The following NFATC3 variants were observed in gnomAD, a reference collection of about 807,000 sequenced individuals.
NFATC3 encodes nuclear factor of activated T-cells, cytoplasmic 3.
In NFATC3, 46 loss-of-function variants were observed where a neutral mutation model predicts 98.6. The ratio of observed to expected loss-of-function variants is 0.47; its 90% CI spans 0.37 to 0.60. The LOEUF is 0.60. Ranked by LOEUF, NFATC3 falls within the 20% of genes least tolerant of loss-of-function variation. NFATC3 has a pLI of 0.00. For missense variants in NFATC3, 1,256 were observed against 1,295.5 expected (o/e 0.97, Z 0.47); for synonymous variants, 512 against 472.2 (o/e 1.08, Z -1.09).
chr16:68,122,179 C>A lies in NFATC3; in HGVS notation c.296C>A (p.Pro99Gln). ...GAGATTCCTGAATCTAAATATAGCC[C>A]ATTAGGTGGTCCCAAACCCTTTGAG... is the stretch of plus-strand genomic sequence containing the variant. ...TCEIPESKYSPLGGPKPFECP... is the reference protein window; with the variant it reads ...TCEIPESKYSQLGGPKPFECP... The change falls in exon 2 of 10, where the codon CCA becomes CAA. Residue 99 changes from proline to glutamine, a missense_variant. By Grantham distance (76) the Pro-to-Gln change is moderately conservative. This residue lies in a region of NFATC3 where 464 missense variants were observed against 465.7 expected (regional missense o/e 1.00). Coordinates refer to ENST00000346183, the MANE Select transcript of NFATC3 (RefSeq NM_173165.3). 6.2e-7 allele frequency: 1 copy of A among 1,614,086 alleles called. No homozygotes were observed. Among genetic ancestry groups the A allele is most frequent in the East Asian group, 2.2e-5 (1 of 44,886 alleles).
chr16:68,157,991 T>C lies in NFATC3; in HGVS notation c.1524T>C (p.Thr508=). Residue 508 remains threonine (T), a synonymous_variant, in exon 4 of 10, where the codon ACT becomes ACC. Coordinates refer to ENST00000346183, the MANE Select transcript of NFATC3 (RefSeq NM_173165.3). The part of the protein sequence containing the change: ...VHRITGKTVA[T]ASQEIIIAST... ...GAATCACTGGGAAGACAGTCGCTACTGCAAGCCAAGAGATAATAATTGCCA... is the reference window on the plus strand; with the variant it reads ...GAATCACTGGGAAGACAGTCGCTACCGCAAGCCAAGAGATAATAATTGCCA... 1.2e-6 allele frequency: 2 copies of C among 1,614,066 alleles called. No homozygotes were observed. Among genetic ancestry groups the C allele is most frequent in the Non-Finnish European group, 8.5e-7 (1 of 1,179,972 alleles).
intron 9 of NFATC3, among the ~76,000 whole-genome samples, chr16:68,220,259 C>CA (rs1343615741): frequency 1.3e-5 from 2 of 152,196 alleles, no homozygotes; most frequent in Non-Finnish European, 2.9e-5. Context: ...TGCGGTGACT[C>CA]ACGCCTGTAA....
intron 1 of NFATC3, among the ~76,000 whole-genome samples, chr16:68,092,264 T>C (rs1024462509): frequency 2.0e-5 from 3 of 151,496 alleles, no homozygotes; most frequent in African/African-American, 7.3e-5. Flanking sequence ...GAGACTAGCC[T>C]GGCCAACATG....
intron 1 of NFATC3, 30 bp from the exon 2 acceptor site, chr16:68,121,957 G>GTTTT: frequency 2.3e-6 from 3 of 1,310,310 alleles, no homozygotes; most frequent in South Asian, 3.0e-5. Flanking sequence ...GTTTTGTTGG[G>GTTTT]TTTTTTTTTT....
In NFATC3 at chr16:68,122,951, G is replaced by A. The variant is rs756905714; in HGVS notation, c.1068G>A (p.Glu356=). The change falls in exon 2 of 10, where the codon GAG becomes GAA. Residue 356 remains glutamate, a synonymous_variant. Coordinates refer to ENST00000346183, the MANE Select transcript of NFATC3 (RefSeq NM_173165.3). ...CTGCCATACTACCAGGAAAATTAGA[G>A]CTGTGTTCAGATGACCAAGGGAGTT... ...DQAAILPGKL[E]LCSDDQGSLS... 7 of 1,614,194 alleles carry A rather than the reference G, an allele frequency of 4.3e-6. No individual in the cohort carries two copies. Among genetic ancestry groups the A allele is most frequent in the Middle Eastern group, 1.6e-4 (1 of 6,062 alleles).
chr16:68,181,531 G>T lies in NFATC3; in HGVS notation c.1971+1G>T. 6.2e-7 allele frequency: 1 copy of T among 1,601,080 alleles called. No homozygotes were observed. The highest frequency in any genetic ancestry group is 8.6e-7 in the Non-Finnish European group (1 of 1,168,580). On this transcript the variant is annotated splice_donor_variant, in intron 7 of 9. Coordinates refer to ENST00000346183, the MANE Select transcript of NFATC3 (RefSeq NM_173165.3). LOFTEE classifies it high-confidence loss of function. ...GATAATCAGGGAAAAATGTCAAGGGGTAAGAAATTTACCTTAATTCTTAAG... is the reference window on the plus strand; with the variant it reads ...GATAATCAGGGAAAAATGTCAAGGGTTAAGAAATTTACCTTAATTCTTAAG...
intron 3 of NFATC3, among the ~76,000 whole-genome samples, chr16:68,127,619 T>G (rs893824559): frequency 6.6e-6 from 1 of 151,506 alleles, no homozygotes; most frequent in Non-Finnish European, 1.5e-5. Context: ...ACCTGGGAGG[T>G]TGAGGCTGTA....
At chr16:68,120,327 T>C (rs112099181) in intron 1 of NFATC3, among the ~76,000 whole-genome samples, 27,236 of 148,996 alleles carry the variant, frequency 0.18, 2,853 homozygotes, top group African/African-American at 0.28. Flanking sequence ...CTTGTAATCC[T>C]GGCACTTTGG....
intron 6 of NFATC3, among the ~76,000 whole-genome samples, chr16:68,178,538 T>G (rs1354724283): frequency 6.6e-6 from 1 of 152,198 alleles, no homozygotes; most frequent in Non-Finnish European, 1.5e-5. Context: ...GAGCTTACAT[T>G]GTAGTGGGGG....
At chr16:68,119,375 A>G (rs138787939) in intron 1 of NFATC3, among the ~76,000 whole-genome samples, 2 of 152,076 alleles carry the variant, frequency 1.3e-5, no homozygotes, top group East Asian at 3.9e-4. Flanking sequence ...TCCTAAATTT[A>G]TATCAGTTCA....
chr16:68,205,558 G>T (rs2041113129), intron 9 of NFATC3, among the ~76,000 whole-genome samples: 1 of 152,066 alleles, frequency 6.6e-6, no homozygotes, highest in African/African-American at 2.4e-5. Flanking sequence ...CAAGTAATAT[G>T]TTCATGTGGT....
At chr16:68,175,663 G>A (rs183694201) in intron 6 of NFATC3, among the ~76,000 whole-genome samples, 9 of 151,680 alleles carry the variant, frequency 5.9e-5, no homozygotes, top group Non-Finnish European at 1.2e-4. Context: ...AGGTTAAAGC[G>A]ATTCTCCTGC....
At chr16:68,207,293 A>G (rs773766323) in intron 9 of NFATC3, among the ~76,000 whole-genome samples, 3 of 151,648 alleles carry the variant, frequency 2.0e-5, no homozygotes, top group African/African-American at 7.3e-5. Flanking sequence ...CTAGGCAACA[A>G]GAGCAAAACT....
chr16:68,191,113 C>T lies in NFATC3; in HGVS notation c.2444C>T (p.Thr815Ile). 1.2e-6 allele frequency: 2 copies of T among 1,614,228 alleles called. No homozygotes were observed. The highest frequency in any genetic ancestry group is 4.5e-5 in the East Asian group (2 of 44,890). ...ACTAATGTTGTGTACAATGGACCAACTTGTCTTCCTATTAATGCTGCCTCT... is the reference window on the plus strand; with the variant it reads ...ACTAATGTTGTGTACAATGGACCAATTTGTCTTCCTATTAATGCTGCCTCT... ...MQTNVVYNGPTCLPINAASSQ... is the reference protein window; with the variant it reads ...MQTNVVYNGPICLPINAASSQ... Residue 815 changes from threonine to isoleucine, a missense_variant, in exon 9 of 10, where the codon ACT (threonine) becomes ATT (isoleucine). Transcript: ENST00000346183.
chr16:68,167,046 C>G (rs747450668), intron 5 of NFATC3, 31 bp downstream of exon 5: 1 of 1,594,678 alleles, frequency 6.3e-7, no homozygotes, highest in Non-Finnish European at 8.6e-7. Flanking sequence ...GTTTTAAGAT[C>G]TTGTGTATAA....
In NFATC3 at chr16:68,086,393, T is replaced by A. The variant is rs956643522; in HGVS notation, c.103+609T>A. ...AAAGTGTTCCGGAAGATTTTTTTTTTAATAGTGGGTTGCTTTTTTCATAAT... is the reference window on the plus strand; with the variant it reads ...AAAGTGTTCCGGAAGATTTTTTTTTAAATAGTGGGTTGCTTTTTTCATAAT... On this transcript the variant is annotated intron_variant, in intron 1 of 9. Transcript: ENST00000346183. 9.9e-5 allele frequency among the ~76,000 whole-genome samples: 15 copies of A among 152,142 alleles called. 1 individual carries two copies. Among genetic ancestry groups the A allele is most frequent in the Admixed American group, 2.0e-4 (3 of 15,276 alleles).
At chr16:68,205,595 A>G (rs1478190576) in intron 9 of NFATC3, among the ~76,000 whole-genome samples, 1 of 152,208 alleles carries the variant, frequency 6.6e-6, no homozygotes, top group Non-Finnish European at 1.5e-5. Context: ...ACAACATTAT[A>G]CATAGTTAAA....
At chr16:68,144,597 G>GCCCTC (rs2037936704) in intron 3 of NFATC3, among the ~76,000 whole-genome samples, 1 of 151,742 alleles carries the variant, frequency 6.6e-6, no homozygotes, top group Non-Finnish European at 1.5e-5. Context: ...CATCCACCTT[G>GCCCTC]CCCTCCTAAA....
chr16:68,147,055 C>T (rs1270029184), intron 3 of NFATC3, among the ~76,000 whole-genome samples: 1 of 152,154 alleles, frequency 6.6e-6, no homozygotes, highest in Non-Finnish European at 1.5e-5. Flanking sequence ...AGATGTTGGT[C>T]AAAATATGTG....
Sources: allele counts gnomAD v4.1 joint callset (sites outside exome capture counted in the v4.1 genomes callset), GRCh38; gene constraint gnomAD v4.1.1; regional missense constraint gnomAD v4.1.1; transcripts MANE v1.5; gene names NCBI Gene and HGNC (gene_info 2026-07-23, HGNC 2026-07-21).